Variants in CALD1 observed in about 807,000 individuals in gnomAD.
CALD1 encodes the protein caldesmon.
A neutral mutation model predicts 99.9 loss-of-function variants in CALD1; 33 were observed. The ratio of observed to expected loss-of-function variants is 0.33; its 90% CI spans 0.25 to 0.44. The LOEUF is 0.44. CALD1 is among the 20% of genes least tolerant of loss of function. CALD1 has a pLI of 1.00. For missense variants in CALD1, 861 were observed against 962.1 expected, an observed-to-expected ratio of 0.89 and a Z score of 1.39; for synonymous variants, 310 against 325.0, an observed-to-expected ratio of 0.95 and a Z score of 0.50.
At chr7:134,934,540 T>C (rs1446905763) in intron 5 of CALD1, among the ~76,000 whole-genome samples, 1 of 151,940 alleles carries the variant, frequency 6.6e-6, no homozygotes, top group East Asian at 1.9e-4. Context: ...TGATAAAAGC[T>C]GGGGTGGGAA....
chr7:134,918,747 G>A (rs928158496), intron 3 of CALD1, among the ~76,000 whole-genome samples: 12 of 152,232 alleles, frequency 7.9e-5, no homozygotes, highest in African/African-American at 2.4e-4. Flanking sequence ...CTGTAACCCA[G>A]AACTTTGGGA....
intron 1 of CALD1, among the ~76,000 whole-genome samples, chr7:134,820,125 G>A (rs1430373167): frequency 1.3e-5 from 2 of 152,122 alleles, no homozygotes; most frequent in African/African-American, 4.8e-5. Flanking sequence ...TTGAGTTCAT[G>A]TCTACACAGA....
intron 3 of CALD1, chr7:134,891,799 C>T (rs2132510524): frequency 1.3e-6 from 1 of 759,918 alleles, no homozygotes; most frequent in East Asian, 2.8e-5. Context: ...GGAGGAGACA[C>T]CAGGCAGGAA....
At chr7:134,915,897 G>A (rs767942480) in intron 3 of CALD1, among the ~76,000 whole-genome samples, 5 of 152,160 alleles carry the variant, frequency 3.3e-5, no homozygotes, top group Non-Finnish European at 5.9e-5. Context: ...GTTAAGCAAG[G>A]TTTCCACTGA....
At position 134,958,281 on chromosome 7, in the gene CALD1, T is replaced by C. The variant is rs1807928435; in HGVS notation, c.2052T>C (p.Ser684=). ...KIDSRLEQYT[S]AIEGTKSAKP... ...ACAGCAGACTGGAGCAGTATACCAGTGCAATTGAGGTGAGAATTGTCCTCA... is the reference window on the plus strand; with the variant it reads ...ACAGCAGACTGGAGCAGTATACCAGCGCAATTGAGGTGAGAATTGTCCTCA... Residue 684 remains serine (S), a synonymous_variant, in exon 11 of 15, where the codon AGT becomes AGC. Transcript: ENST00000361675. The C allele has an allele frequency of 3.1e-6, 5 of 1,613,402 alleles. No individual in the cohort carries two copies. Among genetic ancestry groups the C allele is most frequent in the Non-Finnish European group, 4.2e-6 (5 of 1,179,542 alleles).
the CALD1 span, among the ~76,000 whole-genome samples, chr7:134,727,411 T>C: frequency 6.6e-6 from 1 of 152,234 alleles, no homozygotes; most frequent in South Asian, 2.1e-4. Flanking sequence ...AAATGGAGTT[T>C]TAAAGATCAA....
At chr7:134,757,960 A>G (rs1455632574) in intron 1 of CALD1, among the ~76,000 whole-genome samples, 1 of 152,240 alleles carries the variant, frequency 6.6e-6, no homozygotes, top group Non-Finnish European at 1.5e-5. Context: ...TTATCCACAC[A>G]GGTATTATTG....
At chr7:134,853,498 C>G (rs996134060) in intron 2 of CALD1, among the ~76,000 whole-genome samples, 5 of 148,188 alleles carry the variant, frequency 3.4e-5, no homozygotes, top group Admixed American at 3.3e-4. Flanking sequence ...TAGATCGTTC[C>G]TGTAGTTCTC....
intron 1 of CALD1, among the ~76,000 whole-genome samples, chr7:134,766,640 T>C (rs1796829143): frequency 6.6e-6 from 1 of 152,206 alleles, no homozygotes; most frequent in African/African-American, 2.4e-5. Context: ...ACTTCTGTCC[T>C]GTGAAGTAGG....
At chr7:134,714,324 T>C in the CALD1 span, among the ~76,000 whole-genome samples, 1 of 152,198 alleles carries the variant, frequency 6.6e-6, no homozygotes, top group Non-Finnish European at 1.5e-5. Flanking sequence ...CCCAAGAACA[T>C]GCAGATCCAT....
chr7:134,943,301 T>TG (rs1430268625), intron 7 of CALD1, among the ~76,000 whole-genome samples: 3 of 54,784 alleles, frequency 5.5e-5, no homozygotes, highest in Non-Finnish European at 7.2e-5. Context: ...GGTAGGGTGG[T>TG]GGGGGTGGGG....
At position 134,906,986 on chromosome 7, in the gene CALD1, C is replaced by T. The variant is rs576961236; in HGVS notation, c.72-21768C>T. 2.0e-5 allele frequency among the ~76,000 whole-genome samples: 3 copies of T among 152,304 alleles called. No homozygotes were observed. In the East Asian group the frequency reaches 5.8e-4, roughly 29 times the overall value. ...GGTTCTGAATACAAGTTACCTAACGCCTCTGAGCCAATTTCCTCAACTATG... is the reference window on the plus strand; with the variant it reads ...GGTTCTGAATACAAGTTACCTAACGTCTCTGAGCCAATTTCCTCAACTATG... On this transcript the variant is annotated intron_variant, in intron 3 of 14. Coordinates refer to ENST00000361675, the MANE Select transcript of CALD1 (RefSeq NM_033138.4).
At chr7:134,875,846 G>A (rs1801322107) in intron 3 of CALD1, among the ~76,000 whole-genome samples, 1 of 152,214 alleles carries the variant, frequency 6.6e-6, no homozygotes, top group African/African-American at 2.4e-5. Context: ...AAAATCTCCT[G>A]TGTTATTCCC....
At chr7:134,813,720 C>T (rs931683794) in intron 1 of CALD1, among the ~76,000 whole-genome samples, 1 of 152,192 alleles carries the variant, frequency 6.6e-6, no homozygotes, top group Non-Finnish European at 1.5e-5. Context: ...ACTTGGGAAA[C>T]AGCAGACTTG....
intron 3 of CALD1, among the ~76,000 whole-genome samples, chr7:134,892,280 A>G (rs1305057563): frequency 6.6e-6 from 1 of 152,194 alleles, no homozygotes; most frequent in African/African-American, 2.4e-5. Context: ...CTGTCTTTCA[A>G]TAGGCAGGGA....
intron 9 of CALD1, among the ~76,000 whole-genome samples, chr7:134,953,838 G>C (rs1807565126): frequency 6.6e-6 from 1 of 152,002 alleles, no homozygotes; most frequent in South Asian, 2.1e-4. Context: ...CTCTGATGGA[G>C]AGGCATTTGT....
chr7:134,910,511 A>T (rs926084397), intron 3 of CALD1, among the ~76,000 whole-genome samples: 1 of 152,220 alleles, frequency 6.6e-6, no homozygotes, highest in African/African-American at 2.4e-5. Context: ...GAAATTTGCA[A>T]GGGAAGATGG....
rs377754486 is a variant in CALD1, at chr7:134,960,639, T to C, written c.2295+11T>C. 3.5e-5 allele frequency: 55 copies of C among 1,565,458 alleles called. 1 individual carries two copies. In the African/African-American group the frequency reaches 6.6e-4, roughly 19 times the overall value. On this transcript the variant is annotated intron_variant, in intron 13 of 14. Coordinates refer to ENST00000361675, the MANE Select transcript of CALD1 (RefSeq NM_033138.4). ...GCTCCCAAACCTTCTGTAAGTACCT[T>C]TAGGTTTTTCTGAGTTTCTTTGATC...
At chr7:134,823,758 A>G (rs149936511) in intron 1 of CALD1, among the ~76,000 whole-genome samples, 41 of 152,372 alleles carry the variant, frequency 2.7e-4, no homozygotes, top group African/African-American at 8.9e-4. Context: ...TGAAAAAAAT[A>G]TATCATTTCT....
Sources: gnomAD v4.1 joint callset for allele counts (sites outside exome capture counted in the v4.1 genomes callset) on GRCh38, gnomAD v4.1.1 for gene constraint, MANE v1.5 for transcripts, NCBI Gene and HGNC (gene_info 2026-07-23, HGNC 2026-07-21) for gene names.